Variants in C8orf34 observed in about 807,000 individuals in gnomAD.
C8orf34 encodes the protein uncharacterized protein C8orf34.
A neutral mutation model predicts 68.3 loss-of-function variants in C8orf34; 65 were observed. The ratio of observed to expected loss-of-function variants is 0.95; its 90% CI spans 0.78 to 1.17. The LOEUF (loss-of-function observed/expected upper bound fraction) is 1.17. C8orf34 is among the 50% of genes most tolerant of loss of function. The pLI is 0.00. For missense variants in C8orf34, 664 were observed against 655.4 expected (o/e 1.01, Z -0.14); for synonymous variants, 244 against 241.2 (o/e 1.01, Z -0.11).
At chr8:68,442,272 A>G (rs28454533) in intron 2 of C8orf34, among the ~76,000 whole-genome samples, 2,549 of 152,236 alleles carry the variant, frequency 0.017, 80 homozygotes, top group African/African-American at 0.058. Flanking sequence ...TTGGCAAAGG[A>G]AAATTTAAGA....
At position 68,441,656 on chromosome 8, in the gene C8orf34, G is replaced by A. The variant is rs1244364642; in HGVS notation, c.475+2010G>A. 1.1e-4 allele frequency among the ~76,000 whole-genome samples: 16 copies of A among 152,048 alleles called. No homozygotes were observed. The East Asian group carries it at 2.3e-3, about 22-fold the overall frequency. The stretch of plus-strand genomic sequence containing the variant: ...TGGGATTACAGTTGTGAATCACCAC[G>A]CCCTGCTGGCAACTCACTTCTTTAA... On this transcript the variant is annotated intron_variant, in intron 2 of 13. Coordinates refer to ENST00000518698, the MANE Select transcript of C8orf34 (RefSeq NM_052958.4).
intron 7 of C8orf34, among the ~76,000 whole-genome samples, chr8:68,567,477 T>A (rs1021850267): frequency 1.3e-5 from 2 of 151,908 alleles, no homozygotes; most frequent in Non-Finnish European, 2.9e-5. Flanking sequence ...ATCTCCCATT[T>A]TGTTTCTTAT....
rs549142773 is a variant in C8orf34 at position 68,808,300 on chromosome 8, A to T, written c.1550-7586A>T. Among the ~76,000 whole-genome samples the T allele has an allele frequency of 5.3e-5, 8 of 152,316 alleles. No individual in the cohort carries two copies. In the South Asian group the frequency reaches 8.3e-4, roughly 16 times the overall value. On this transcript the variant is annotated intron_variant, in intron 12 of 13. Coordinates refer to ENST00000518698, the MANE Select transcript of C8orf34 (RefSeq NM_052958.4). Reference sequence around the variant, plus strand: ...TTTTTACACTCTAATATAGTTCAATAAATTTGGGCAGAACCATTAAATATT... The same window carrying T: ...TTTTTACACTCTAATATAGTTCAATTAATTTGGGCAGAACCATTAAATATT...
chr8:68,378,647 C>T (rs1401154054), intron 1 of C8orf34, among the ~76,000 whole-genome samples: 1 of 152,144 alleles, frequency 6.6e-6, no homozygotes, highest in Non-Finnish European at 1.5e-5. Flanking sequence ...TAACCAAGTC[C>T]TTGGTGATGT....
At chr8:68,528,127 C>A (rs1815092058) in intron 6 of C8orf34, among the ~76,000 whole-genome samples, 1 of 152,200 alleles carries the variant, frequency 6.6e-6, no homozygotes, top group Non-Finnish European at 1.5e-5. Flanking sequence ...TCCCCAGTAG[C>A]TTTGCTGCAT....
intron 1 of C8orf34, among the ~76,000 whole-genome samples, chr8:68,427,955 AATAT>A (rs1810299857): frequency 6.8e-6 from 1 of 148,094 alleles, no homozygotes; most frequent in Non-Finnish European, 1.5e-5. Context: ...TATAATATAT[AATAT>A]ATAAAATGTA....
intron 7 of C8orf34, among the ~76,000 whole-genome samples, chr8:68,591,451 G>C (rs1817385676): frequency 1.3e-5 from 2 of 152,104 alleles, no homozygotes; most frequent in African/African-American, 4.8e-5. Flanking sequence ...TTTCACCTTC[G>C]TAGTGAGACA....
chr8:68,597,903 T>G (rs2130474757), intron 7 of C8orf34, among the ~76,000 whole-genome samples: 1 of 152,208 alleles, frequency 6.6e-6, no homozygotes, highest in South Asian at 2.1e-4. Flanking sequence ...ACTAGAAAGT[T>G]TTTTCCTTCT....
At chr8:68,803,477 C>T (rs914198823) in intron 12 of C8orf34, among the ~76,000 whole-genome samples, 11 of 151,764 alleles carry the variant, frequency 7.2e-5, no homozygotes, top group South Asian at 4.2e-4. Context: ...GGCTTTGAAA[C>T]GTAAGAAAAA....
At chr8:68,626,562 C>A (rs964485190) in intron 7 of C8orf34, among the ~76,000 whole-genome samples, 3 of 152,022 alleles carry the variant, frequency 2.0e-5, no homozygotes, top group Admixed American at 2.0e-4. Flanking sequence ...TGCAGAAGCA[C>A]TTATAAAAAT....
rs982259630 is a variant in C8orf34, at chr8:68,505,460, G to A, written c.766-16339G>A. ...AGAATGAGCAACATGGGCCGGGCGC[G>A]GTGGCTCACACCTGTAATCCCAGCA... On this transcript the variant is annotated intron_variant, in intron 5 of 13. Transcript: ENST00000518698. 1.1e-3 allele frequency among the ~76,000 whole-genome samples: 103 copies of A among 94,840 alleles called. 31 individuals are homozygous for A. Among genetic ancestry groups the A allele is most frequent in the African/African-American group, 8.7e-3 (90 of 10,378 alleles). 62.2% of individuals were successfully genotyped at this position (94,840 alleles called of 152,430 possible).
intron 7 of C8orf34, among the ~76,000 whole-genome samples, chr8:68,632,164 C>A (rs1051249690): frequency 6.6e-6 from 1 of 152,088 alleles, no homozygotes; most frequent in Admixed American, 6.6e-5. Flanking sequence ...ACAATGAAGT[C>A]TAGGCTGAGG....
chr8:68,416,248 C>T (rs1009478552), intron 1 of C8orf34, among the ~76,000 whole-genome samples: 1 of 152,144 alleles, frequency 6.6e-6, no homozygotes, highest in Non-Finnish European at 1.5e-5. Context: ...ACAATCCTCA[C>T]TCGTGGCAGC....
Position 68,331,051 on chromosome 8 carries a change from G to A in C8orf34, c.39G>A (p.Ala13=), listed in dbSNP as rs1173519711. Residue 13 remains alanine (A), a synonymous_variant, in exon 1 of 14, where the codon GCG becomes GCA. Coordinates refer to ENST00000518698, the MANE Select transcript of C8orf34 (RefSeq NM_052958.4). The part of the protein sequence containing the change: ...SPLASELSEL[A]ALRPGFRLSA... ...TCGCCTCGGAGTTGTCTGAGTTGGCGGCGCTGCGCCCAGGCTTCCGGCTCT... is the reference window on the plus strand; with the variant it reads ...TCGCCTCGGAGTTGTCTGAGTTGGCAGCGCTGCGCCCAGGCTTCCGGCTCT... 1.1e-5 allele frequency: 16 copies of A among 1,476,828 alleles called. No homozygotes were observed. The highest frequency in any genetic ancestry group is 1.3e-5 in the Non-Finnish European group (15 of 1,125,456). The allele number at this position is 1,476,828 out of a possible 1,614,324, so 91.5% of individuals were successfully genotyped here.
chr8:68,818,152 A>T, intron 13 of C8orf34, 87 bp from the exon 14 acceptor site: 4 of 1,372,594 alleles, frequency 2.9e-6, no homozygotes, highest in Non-Finnish European at 4.1e-6. Context: ...AGAGGAAAGC[A>T]TTAAAATCAC....
At chr8:68,467,928 A>C (rs564503486) in intron 3 of C8orf34, among the ~76,000 whole-genome samples, 1 of 151,898 alleles carries the variant, frequency 6.6e-6, no homozygotes, top group Admixed American at 6.6e-5. Flanking sequence ...CCATTTTTTA[A>C]AAAAAATATG....
chr8:68,773,309 G>A (rs778136332), intron 10 of C8orf34, among the ~76,000 whole-genome samples: 7 of 152,032 alleles, frequency 4.6e-5, no homozygotes, highest in Non-Finnish European at 8.8e-5. Context: ...CTTATTCTTC[G>A]TTGTGTCCAC....
intron 9 of C8orf34, among the ~76,000 whole-genome samples, chr8:68,712,491 GA>G (rs988254356): frequency 6.6e-6 from 1 of 152,110 alleles, no homozygotes; most frequent in African/African-American, 2.4e-5. Context: ...TAAAGGGGTA[GA>G]AAAAGGTATT....
At chr8:68,394,241 C>A in intron 1 of C8orf34, among the ~76,000 whole-genome samples, 1 of 122,126 alleles carries the variant, frequency 8.2e-6, no homozygotes, top group Admixed American at 9.7e-5. Context: ...CTCCCCCCTC[C>A]CCCCACCCCA....
Sources: allele counts gnomAD v4.1 joint callset (sites outside exome capture counted in the v4.1 genomes callset), GRCh38; gene constraint gnomAD v4.1.1; transcripts MANE v1.5; gene names NCBI Gene and HGNC (gene_info 2026-07-23, HGNC 2026-07-21).